Variants in GPR161 observed in about 807,000 individuals in gnomAD.
GPR161 encodes the protein G protein-coupled receptor 161.
A neutral mutation model predicts 39.2 loss-of-function variants in GPR161; 25 were observed. The ratio of observed to expected loss-of-function variants is 0.64; its 90% CI spans 0.47 to 0.89. GPR161 has a LOEUF of 0.89. GPR161 is among the 40% of genes least tolerant of loss of function. The pLI, the probability that GPR161 is intolerant of heterozygous loss-of-function variation, is 0.00. For synonymous variants in GPR161, 286 were observed against 276.6 expected (o/e 1.03, Z -0.34); for missense variants, 547 against 677.8 (o/e 0.81, Z 2.14).
At position 168,136,870 on chromosome 1, in the gene GPR161, C is replaced by G; in HGVS notation, c.-176G>C. 3 of 982,260 alleles carry G rather than the reference C, an allele frequency of 3.1e-6. No homozygotes were observed. The highest frequency in any genetic ancestry group is 4.7e-5 in the South Asian group (1 of 21,286). The allele number at this position is 982,260 out of a possible 1,614,324, so 60.8% of individuals were successfully genotyped here. Reference sequence around the variant, plus strand: ...TTTCGGGTTTCAGCCCACCGAGCCCCGCTTCGCTCCTCCCGCGGGCCAGCC... The same window carrying G: ...TTTCGGGTTTCAGCCCACCGAGCCCGGCTTCGCTCCTCCCGCGGGCCAGCC... On this transcript the variant is annotated 5_prime_UTR_variant, in exon 1 of 6. Coordinates refer to ENST00000682931, the MANE Select transcript of GPR161 (RefSeq NM_001375883.1).
rs567279523 is a variant in GPR161 at position 168,118,402 on chromosome 1, CA to C, written c.-44-13509del. 1.2e-3 allele frequency among the ~76,000 whole-genome samples: 189 copies of C among 152,184 alleles called. 1 individual carries two copies. The highest frequency in any genetic ancestry group is 4.4e-3 in the African/African-American group (184 of 41,504). ...AAGTGGGCACTAAATAATGTATACA[CA>C]GGGACACAGAGTATAGAAGTGGTGT... On this transcript the variant is annotated intron_variant, in intron 1 of 5. Coordinates refer to ENST00000682931, the MANE Select transcript of GPR161 (RefSeq NM_001375883.1).
chr1:168,085,695 T>C lies in GPR161; in HGVS notation c.1426A>G (p.Ile476Val). The C allele has an allele frequency of 6.2e-7, 1 of 1,614,212 alleles. No individual in the cohort carries two copies. The highest frequency in any genetic ancestry group is 8.5e-7 in the Non-Finnish European group (1 of 1,180,018). Residue 476 changes from isoleucine to valine, a missense_variant, in exon 6 of 6, where the codon ATC (isoleucine) becomes GTC (valine). Transcript: ENST00000682931. Reference sequence around the variant, plus strand: ...AAAGCCTCCTCCCCAAATAAGTTGATTTTGGCTTCGGCCTCAATGGCTTTG... The same window carrying C: ...AAAGCCTCCTCCCCAAATAAGTTGACTTTGGCTTCGGCCTCAATGGCTTTG... The part of the protein sequence containing the change: ...LAKAIEAEAK[I>V]NLFGEEALPG...
intron 5 of GPR161, 108 bp downstream of exon 5, chr1:168,087,477 G>GGAGCCCTGATA: frequency 7.7e-7 from 1 of 1,294,782 alleles, no homozygotes; most frequent in Non-Finnish European, 1.1e-6. Context: ...GCAAAGGGAT[G>GGAGCCCTGATA]GAGCCCTGAT....
chr1:168,136,505 G>A (rs1019708306), intron 1 of GPR161: 1 of 1,259,512 alleles, frequency 7.9e-7, no homozygotes, highest in Non-Finnish European at 1.0e-6. Context: ...GGAGGGGCGC[G>A]CCCCCAACAT....
chr1:168,125,158 T>C (rs907966654), intron 1 of GPR161, among the ~76,000 whole-genome samples: 1 of 152,202 alleles, frequency 6.6e-6, no homozygotes, highest in African/African-American at 2.4e-5. Flanking sequence ...TTATCTGCAG[T>C]TTCCCTTGTC....
rs571212676 is a variant in GPR161 at position 168,129,127 on chromosome 1, C to A, written c.-45+7612G>T. Among the ~76,000 whole-genome samples the A allele has an allele frequency of 2.0e-5, 3 of 152,204 alleles. No individual in the cohort carries two copies. The South Asian group carries it at 6.2e-4, about 32-fold the overall frequency. ...GGTAGTAGGTACTGTAAAGAAAGAT[C>A]AAACAGGGTAAGCAGAGAGGGAATG... On this transcript the variant is annotated intron_variant, in intron 1 of 5. Coordinates refer to ENST00000682931, the MANE Select transcript of GPR161 (RefSeq NM_001375883.1).
In GPR161 at chr1:168,096,782, G is replaced by A; in HGVS notation, c.825C>T (p.Val275=). The change falls in exon 3 of 6, where the codon GTC becomes GTT. Residue 275 remains valine (V), a synonymous_variant. Transcript: ENST00000682931. The stretch of plus-strand genomic sequence containing the variant: ...CCCAGGTGACCATGAAGGCACCGAG[G>A]ACCACCAGGATGGTGATGAGGGCTT... ...QCKALITILV[V]LGAFMVTWGP... The A allele has an allele frequency of 1.2e-6, 2 of 1,614,122 alleles. No individual in the cohort carries two copies. The highest frequency in any genetic ancestry group is 1.7e-6 in the Non-Finnish European group (2 of 1,180,036).
intron 1 of GPR161, among the ~76,000 whole-genome samples, chr1:168,131,533 G>A (rs912820013): frequency 1.3e-5 from 2 of 151,936 alleles, no homozygotes; most frequent in Non-Finnish European, 2.9e-5. Context: ...AGAAAATATA[G>A]ATTGGTTAAA....
Position 168,085,311 on chromosome 1 carries a change from T to C in GPR161, c.*220A>G. ...TGCTTCTGGTCCCATCACTGGGACC[T>C]AAAAGAAGCTCACATGTGGTCTCTG... On this transcript the variant is annotated 3_prime_UTR_variant, in exon 6 of 6. Transcript: ENST00000682931. 1.7e-6 allele frequency: 1 copy of C among 590,750 alleles called. No individual in the cohort carries two copies. Among genetic ancestry groups the C allele is most frequent in the Non-Finnish European group, 3.0e-6 (1 of 332,132 alleles). The allele number at this position is 590,750 out of a possible 1,614,324, so 36.6% of individuals were successfully genotyped here.
At chr1:168,093,599 C>T (rs1695257441) in intron 3 of GPR161, among the ~76,000 whole-genome samples, 1 of 152,232 alleles carries the variant, frequency 6.6e-6, no homozygotes, top group Non-Finnish European at 1.5e-5. Flanking sequence ...AAAGAGCCTC[C>T]AAGTTGCTTC....
In GPR161 at chr1:168,090,575, G is replaced by C; in HGVS notation, c.1193C>G (p.Ser398Cys). ...AGCACGCAGGTTACCTGAGTCCTGG[G>C]AGCAGCTGAAGCCAGTGTCCCCCGT... ...SSTGDTGFSC[S>C]QDSGTDMMLL... The change falls in exon 4 of 6, where the codon TCC becomes TGC. Residue 398 changes from serine (S) to cysteine (C), a missense_variant. Coordinates refer to ENST00000682931, the MANE Select transcript of GPR161 (RefSeq NM_001375883.1). 6.3e-7 allele frequency: 1 copy of C among 1,596,798 alleles called. No homozygotes were observed. Among genetic ancestry groups the C allele is most frequent in the Non-Finnish European group, 8.6e-7 (1 of 1,164,404 alleles).
chr1:168,132,023 G>T (rs1427734051), intron 1 of GPR161, among the ~76,000 whole-genome samples: 1 of 152,218 alleles, frequency 6.6e-6, no homozygotes, highest in Non-Finnish European at 1.5e-5. Context: ...CCAGCATTTT[G>T]GGAGGCCGAG....
chr1:168,091,938 TAGG>T (rs1436602712), intron 3 of GPR161, among the ~76,000 whole-genome samples: 1 of 150,318 alleles, frequency 6.7e-6, no homozygotes, highest in Non-Finnish European at 1.5e-5. Flanking sequence ...CACTCACAGA[TAGG>T]AGGAGACCTG....
intron 1 of GPR161, among the ~76,000 whole-genome samples, chr1:168,121,648 C>G (rs1200886414): frequency 2.0e-5 from 3 of 152,200 alleles, no homozygotes; most frequent in African/African-American, 7.2e-5. Flanking sequence ...GAAAAAACAG[C>G]TGGGGGTCCA....
chr1:168,127,785 C>T (rs936525935), intron 1 of GPR161, among the ~76,000 whole-genome samples: 1 of 152,184 alleles, frequency 6.6e-6, no homozygotes, highest in African/African-American at 2.4e-5. Flanking sequence ...CCTCCCATGA[C>T]ACATGGGAAT....
At chr1:168,119,204 A>ATACGTG (rs1219373058) in intron 1 of GPR161, among the ~76,000 whole-genome samples, 1 of 108,478 alleles carries the variant, frequency 9.2e-6, no homozygotes, top group Non-Finnish European at 1.8e-5. Flanking sequence ...TCATATATAT[A>ATACGTG]TATATGTATA....
chr1:168,121,173 T>C (rs989268070), intron 1 of GPR161, among the ~76,000 whole-genome samples: 3 of 152,164 alleles, frequency 2.0e-5, no homozygotes, highest in African/African-American at 7.2e-5. Context: ...ACTAAGACTT[T>C]GTCTGGCATT....
At chr1:168,108,370 C>A (rs1485706524) in intron 1 of GPR161, among the ~76,000 whole-genome samples, 1 of 151,374 alleles carries the variant, frequency 6.6e-6, no homozygotes, top group Non-Finnish European at 1.5e-5. Context: ...CATATCCAAA[C>A]CATTGCACAC....
intron 1 of GPR161, among the ~76,000 whole-genome samples, chr1:168,107,597 C>T (rs1056562508): frequency 3.3e-5 from 5 of 152,210 alleles, no homozygotes; most frequent in African/African-American, 1.2e-4. Flanking sequence ...GCCTCCATCA[C>T]TGTAAGAAAT....
Sources: allele counts gnomAD v4.1 joint callset (sites outside exome capture counted in the v4.1 genomes callset), GRCh38; gene constraint gnomAD v4.1.1; transcripts MANE v1.5; gene names NCBI Gene and HGNC (gene_info 2026-07-23, HGNC 2026-07-21).